WWOX: variants seen among roughly 807,000 people sequenced by gnomAD.
WWOX encodes WW domain-containing oxidoreductase.
In WWOX, 69 loss-of-function variants were observed where a neutral mutation model predicts 46.2. The ratio of observed to expected loss-of-function variants is 1.49; its 90% CI spans 1.23 to 1.82. WWOX has a LOEUF of 1.82. Among genes scored for constraint, WWOX ranks in the 40% most tolerant of loss-of-function variants. WWOX has a pLI of 0.00. For synonymous variants in WWOX, 359 were observed against 202.6 expected (o/e 1.77, Z -6.56); for missense variants, 919 against 542.6 (o/e 1.69, Z -6.89).
At chr16:79,063,375 C>T (rs973059268) in intron 8 of WWOX, among the ~76,000 whole-genome samples, 5 of 152,176 alleles carry the variant, frequency 3.3e-5, no homozygotes, top group Admixed American at 3.3e-4. Context: ...CATCACATCA[C>T]AACAGGCTGA....
Position 78,333,043 on chromosome 16 carries a change from C to CTTTTTTTTTTTT in WWOX, c.517-53804_517-53793dup, listed in dbSNP as rs11289222. ...CTGAGTAGCATGGAAGAGCATTATA[C>CTTTTTTTTTTTT]TTTTTTTTTTTTTTTTTTTTTTTTG... is the stretch of plus-strand genomic sequence containing the variant. On this transcript the variant is annotated intron_variant, in intron 5 of 8. Coordinates refer to ENST00000566780, the MANE Select transcript of WWOX (RefSeq NM_016373.4). Among the ~76,000 whole-genome samples, 21 of 57,118 alleles carry CTTTTTTTTTTTT rather than the reference C, an allele frequency of 3.7e-4. 3 individuals are homozygous for CTTTTTTTTTTTT. The highest frequency in any genetic ancestry group is 8.6e-4 in the African/African-American group (16 of 18,504). The allele number at this position is 57,118 out of a possible 152,430, so 37.5% of individuals were successfully genotyped here.
intron 8 of WWOX, among the ~76,000 whole-genome samples, chr16:78,519,327 C>T (rs976956310): frequency 6.6e-6 from 1 of 152,116 alleles, no homozygotes; most frequent in African/African-American, 2.4e-5. Flanking sequence ...GCATGTTGCT[C>T]TGGTAATAGT....
intron 8 of WWOX, among the ~76,000 whole-genome samples, chr16:78,530,334 G>A (rs1314019450): frequency 2.6e-5 from 4 of 152,178 alleles, no homozygotes; most frequent in African/African-American, 9.7e-5. Flanking sequence ...CAGGAGGAAC[G>A]AGGTCTCATG....
chr16:79,171,739 T>C lies in WWOX; in HGVS notation c.1057-39869T>C, dbSNP rs562441199. Among the ~76,000 whole-genome samples the C allele has an allele frequency of 9.8e-5, 15 of 152,358 alleles. No homozygotes were observed. In the East Asian group the frequency reaches 1.9e-3, roughly 20 times the overall value. On this transcript the variant is annotated intron_variant, in intron 8 of 8. Transcript: ENST00000566780. Reference sequence around the variant, plus strand: ...CTTTCTTCATTCACGTTGAAAGCACTTCGCTATGGAAACGAGTAAAGTTCA... The same window carrying C: ...CTTTCTTCATTCACGTTGAAAGCACCTCGCTATGGAAACGAGTAAAGTTCA...
At chr16:78,659,686 T>C (rs994280748) in intron 8 of WWOX, among the ~76,000 whole-genome samples, 1 of 152,170 alleles carries the variant, frequency 6.6e-6, no homozygotes, top group Non-Finnish European at 1.5e-5. Context: ...AAAGGAGCCT[T>C]TTCCTTCCCA....
intron 8 of WWOX, among the ~76,000 whole-genome samples, chr16:78,610,767 G>T (rs1312138550): frequency 6.6e-6 from 1 of 152,132 alleles, no homozygotes; most frequent in Non-Finnish European, 1.5e-5. Flanking sequence ...GCATGGCTCT[G>T]ATATTATAAA....
intron 8 of WWOX, among the ~76,000 whole-genome samples, chr16:79,049,976 C>G (rs978858303): frequency 3.3e-5 from 5 of 151,994 alleles, no homozygotes; most frequent in African/African-American, 1.2e-4. Flanking sequence ...ACATGTCATG[C>G]TTGTACCTGA....
At chr16:78,998,132 C>T (rs1404266872) in intron 8 of WWOX, among the ~76,000 whole-genome samples, 1 of 152,198 alleles carries the variant, frequency 6.6e-6, no homozygotes, top group Non-Finnish European at 1.5e-5. Flanking sequence ...CCGCCTCGGC[C>T]TCCCAAAGTG....
intron 8 of WWOX, among the ~76,000 whole-genome samples, chr16:79,054,840 A>C (rs925645304): frequency 6.6e-6 from 1 of 152,338 alleles, no homozygotes. Flanking sequence ...ACAAACAAAG[A>C]AAAATCATAA....
chr16:78,741,844 G>T (rs971139027), intron 8 of WWOX, among the ~76,000 whole-genome samples: 1 of 152,220 alleles, frequency 6.6e-6, no homozygotes, highest in African/African-American at 2.4e-5. Context: ...GGCAGAGTGA[G>T]ACGCTGTCTC....
At chr16:78,950,183 T>G (rs983341880) in intron 8 of WWOX, among the ~76,000 whole-genome samples, 1 of 152,228 alleles carries the variant, frequency 6.6e-6, no homozygotes, top group African/African-American at 2.4e-5. Context: ...AGGTTGTAGA[T>G]TCCATGTCTA....
At chr16:79,067,377 C>T (rs746693617) in intron 8 of WWOX, among the ~76,000 whole-genome samples, 1 of 152,204 alleles carries the variant, frequency 6.6e-6, no homozygotes, top group South Asian at 2.1e-4. Context: ...CTCTCTTTCT[C>T]TCTCTCTGCT....
intron 8 of WWOX, among the ~76,000 whole-genome samples, chr16:79,185,686 A>G (rs16949819): frequency 0.3 from 45,184 of 151,982 alleles, 7,224 homozygotes; most frequent in South Asian, 0.57. Context: ...CTGTGCTAAG[A>G]CATCATAGAT....
chr16:78,818,880 A>G (rs989817671), intron 8 of WWOX, among the ~76,000 whole-genome samples: 1 of 152,220 alleles, frequency 6.6e-6, no homozygotes, highest in African/African-American at 2.4e-5. Flanking sequence ...GAGGGAATGT[A>G]AAGTGGAGGT....
chr16:78,836,606 A>G (rs769516972), intron 8 of WWOX, among the ~76,000 whole-genome samples: 13 of 152,144 alleles, frequency 8.5e-5, no homozygotes, highest in Admixed American at 1.3e-4. Flanking sequence ...CCTTGCCAAT[A>G]CAGTACCTCA....
At chr16:78,547,044 C>T (rs778698077) in intron 8 of WWOX, among the ~76,000 whole-genome samples, 3 of 144,802 alleles carry the variant, frequency 2.1e-5, no homozygotes, top group Non-Finnish European at 4.5e-5. Context: ...TCGAGGGTTG[C>T]TTGAGCCTGG....
intron 8 of WWOX, among the ~76,000 whole-genome samples, chr16:79,178,136 C>T (rs188214214): frequency 5.5e-4 from 83 of 152,268 alleles, no homozygotes; most frequent in African/African-American, 9.9e-4. Flanking sequence ...TCCTTTTCAA[C>T]GCTTGAATTT....
At chr16:78,714,430 G>A (rs1466498120) in intron 8 of WWOX, among the ~76,000 whole-genome samples, 1 of 151,992 alleles carries the variant, frequency 6.6e-6, no homozygotes, top group East Asian at 1.9e-4. Flanking sequence ...GCATGGGAAA[G>A]ACCTGCCCCC....
At chr16:78,416,805 C>G (rs1359497632) in intron 6 of WWOX, among the ~76,000 whole-genome samples, 3 of 152,186 alleles carry the variant, frequency 2.0e-5, no homozygotes, top group African/African-American at 7.2e-5. Context: ...ATTATCTAAG[C>G]TGGCAGGCCA....
Sources: allele counts gnomAD v4.1 joint callset (sites outside exome capture counted in the v4.1 genomes callset), GRCh38; gene constraint gnomAD v4.1.1; transcripts MANE v1.5; gene names NCBI Gene and HGNC (gene_info 2026-07-23, HGNC 2026-07-21).